MKX: variants seen among roughly 807,000 people sequenced by gnomAD.
The protein encoded by MKX is mohawk homeobox, also known as homeobox protein Mohawk.
In MKX, 13 loss-of-function variants were observed where a neutral mutation model predicts 36.0. That is an observed-to-expected ratio of 0.36 (90% confidence interval 0.24 to 0.57). The LOEUF (loss-of-function observed/expected upper bound fraction) is 0.57. Ranked by LOEUF, MKX falls within the 20% of genes least tolerant of loss-of-function variation. The pLI is 0.79. For synonymous variants in MKX, 176 were observed against 178.3 expected, an observed-to-expected ratio of 0.99 and a Z score of 0.10; for missense variants, 458 against 456.4, an observed-to-expected ratio of 1.00 and a Z score of -0.03.
intron 5 of MKX, among the ~76,000 whole-genome samples, chr10:27,730,402 A>C (rs1456107364): frequency 6.6e-6 from 1 of 151,958 alleles, no homozygotes; most frequent in Non-Finnish European, 1.5e-5. Flanking sequence ...TTTAATAAAA[A>C]TAAGTGAAGT....
chr10:27,701,633 A>G (rs1470211269), intron 5 of MKX, among the ~76,000 whole-genome samples: 1 of 145,090 alleles, frequency 6.9e-6, no homozygotes, highest in Non-Finnish European at 1.5e-5. Context: ...AAATAATAAT[A>G]TATTTATATA....
intron 5 of MKX, among the ~76,000 whole-genome samples, chr10:27,724,093 T>G (rs1480827569): frequency 6.6e-6 from 1 of 152,196 alleles, no homozygotes; most frequent in Non-Finnish European, 1.5e-5. Context: ...TAAATCACAT[T>G]GTAAAAAATG....
At position 27,741,305 on chromosome 10, in the gene MKX, C is replaced by T. The variant is rs1834888002; in HGVS notation, c.348+40G>A. ...TAAGCGTTCCCGCTCTTCAGCCCCT[C>T]GCGGGAAAACGGATCAGGGTGTTAA... On this transcript the variant is annotated intron_variant, in intron 3 of 6. Transcript: ENST00000419761. The surrounding 1 kb of genome is among the most constrained non-coding windows in gnomAD (Gnocchi z 5.1). The T allele has an allele frequency of 6.2e-7, 1 of 1,606,232 alleles. No homozygotes were observed. The highest frequency in any genetic ancestry group is 2.2e-5 in the East Asian group (1 of 44,632).
At chr10:27,718,310 A>G (rs1006487633) in intron 5 of MKX, among the ~76,000 whole-genome samples, 1 of 152,228 alleles carries the variant, frequency 6.6e-6, no homozygotes, top group Non-Finnish European at 1.5e-5. Flanking sequence ...TTAAATATGT[A>G]CTTTATTGAT....
chr10:27,681,099 G>A (rs986593674), intron 5 of MKX, among the ~76,000 whole-genome samples: 1 of 152,214 alleles, frequency 6.6e-6, no homozygotes, highest in African/African-American at 2.4e-5. Context: ...TAGTGACATC[G>A]TAATGTGGTC....
intron 5 of MKX, among the ~76,000 whole-genome samples, chr10:27,714,616 A>G (rs1836931240): frequency 6.6e-6 from 1 of 152,210 alleles, no homozygotes. Context: ...CAATATTTTA[A>G]TAGCCGTTAC....
chr10:27,723,973 T>C (rs926210691), intron 5 of MKX, among the ~76,000 whole-genome samples: 5 of 152,184 alleles, frequency 3.3e-5, no homozygotes, highest in African/African-American at 1.2e-4. Context: ...CTTGGAAATA[T>C]CACTTTATGA....
At chr10:27,698,554 G>A (rs1350746821) in intron 5 of MKX, among the ~76,000 whole-genome samples, 1 of 152,150 alleles carries the variant, frequency 6.6e-6, no homozygotes, top group African/African-American at 2.4e-5. Context: ...TTTCTGCCTT[G>A]GGTGACTGGG....
intron 5 of MKX, among the ~76,000 whole-genome samples, chr10:27,701,813 G>T (rs1243168880): frequency 5.0e-5 from 2 of 39,928 alleles, no homozygotes. Context: ...CAGTTATTTT[G>T]TGTGTGTGTG....
chr10:27,738,749 G>C (rs1834831245), intron 3 of MKX, among the ~76,000 whole-genome samples: 1 of 152,048 alleles, frequency 6.6e-6, no homozygotes. Flanking sequence ...CATGTTGACA[G>C]AGCAATTGTT....
intron 5 of MKX, among the ~76,000 whole-genome samples, chr10:27,711,409 CTTCTTTCT>C (rs138811939): frequency 7.1e-5 from 10 of 141,610 alleles, no homozygotes; most frequent in South Asian, 4.6e-4. Context: ...TCCTTCTTTC[CTTCTTTCT>C]TTCTTTCTTT....
At chr10:27,727,435 C>T (rs1834515847) in intron 5 of MKX, among the ~76,000 whole-genome samples, 1 of 152,208 alleles carries the variant, frequency 6.6e-6, no homozygotes, top group African/African-American at 2.4e-5. Flanking sequence ...AACCCTGGTA[C>T]AATTGCATTT....
intron 5 of MKX, among the ~76,000 whole-genome samples, chr10:27,711,100 T>G (rs1017934409): frequency 6.6e-5 from 10 of 152,228 alleles, no homozygotes; most frequent in African/African-American, 1.9e-4. Flanking sequence ...ATAATTTTTT[T>G]GTACTATCCA....
At chr10:27,719,289 G>A (rs1834318273) in intron 5 of MKX, among the ~76,000 whole-genome samples, 1 of 152,132 alleles carries the variant, frequency 6.6e-6, no homozygotes, top group Non-Finnish European at 1.5e-5. Flanking sequence ...TGGAGAGTGT[G>A]AGCTGCTTCT....
At chr10:27,698,879 T>A (rs1293532145) in intron 5 of MKX, among the ~76,000 whole-genome samples, 1 of 152,178 alleles carries the variant, frequency 6.6e-6, no homozygotes, top group Non-Finnish European at 1.5e-5. Flanking sequence ...AATCAATCAA[T>A]CAATAAGAGT....
At chr10:27,715,774 G>C (rs113492100) in intron 5 of MKX, among the ~76,000 whole-genome samples, 3,713 of 152,184 alleles carry the variant, frequency 0.024, 166 homozygotes, top group African/African-American at 0.084. Flanking sequence ...TCAGCTGCCT[G>C]AGATGAGAGC....
intron 5 of MKX, among the ~76,000 whole-genome samples, chr10:27,689,693 G>C (rs1019483318): frequency 6.6e-6 from 1 of 152,078 alleles, no homozygotes; most frequent in South Asian, 2.1e-4. Context: ...TTGACCAAAA[G>C]AACACTAAAT....
chr10:27,677,632 C>T (rs1836178024), intron 5 of MKX, among the ~76,000 whole-genome samples: 1 of 152,134 alleles, frequency 6.6e-6, no homozygotes, highest in Non-Finnish European at 1.5e-5. Flanking sequence ...AATCATGGGT[C>T]ACTCTGAGCT....
chr10:27,691,504 A>G (rs1836453369), intron 5 of MKX, among the ~76,000 whole-genome samples: 1 of 152,224 alleles, frequency 6.6e-6, no homozygotes, highest in African/African-American at 2.4e-5. Flanking sequence ...GTAAGGGCCA[A>G]CTAGCCATCT....
Sources: allele counts gnomAD v4.1 joint callset (sites outside exome capture counted in the v4.1 genomes callset), GRCh38; gene constraint gnomAD v4.1.1; non-coding constraint Gnocchi (gnomAD v3.1); transcripts MANE v1.5; gene names NCBI Gene and HGNC (gene_info 2026-07-23, HGNC 2026-07-21).